ARHGAP35: variants seen among roughly 807,000 people sequenced by gnomAD.
ARHGAP35 encodes the protein Rho GTPase activating protein 35, also known as rho GTPase-activating protein 35.
ARHGAP35 carries 15 observed loss-of-function variants against 111.1 expected under a neutral mutation model. The ratio of observed to expected loss-of-function variants is 0.13; its 90% CI spans 0.09 to 0.21. The LOEUF (loss-of-function observed/expected upper bound fraction) is 0.21. ARHGAP35 is among the 10% of genes least tolerant of loss of function. ARHGAP35 has a pLI of 1.00. For missense variants in ARHGAP35, 1,262 were observed against 1,873.0 expected, an observed-to-expected ratio of 0.67 and a Z score of 6.02; for synonymous variants, 643 against 710.3, an observed-to-expected ratio of 0.91 and a Z score of 1.51.
intron 3 of ARHGAP35, among the ~76,000 whole-genome samples, chr19:46,942,028 A>G (rs1361122541): frequency 2.0e-5 from 3 of 152,168 alleles, no homozygotes; most frequent in Non-Finnish European, 4.4e-5. Flanking sequence ...TTTCAGAAGA[A>G]AAATTAAACC....
At chr19:46,977,686 G>A (rs557940700) in intron 3 of ARHGAP35, among the ~76,000 whole-genome samples, 3 of 152,348 alleles carry the variant, frequency 2.0e-5, no homozygotes, top group African/African-American at 7.2e-5. Context: ...GGTGCCCAGG[G>A]CTGTCCAGGA....
intron 3 of ARHGAP35, among the ~76,000 whole-genome samples, chr19:46,964,350 C>G (rs997660319): frequency 2.0e-5 from 3 of 151,858 alleles, no homozygotes; most frequent in Non-Finnish European, 2.9e-5. Context: ...TCACTGCAGC[C>G]TTGACTGCTT....
intron 3 of ARHGAP35, among the ~76,000 whole-genome samples, chr19:46,951,343 A>G (rs2056411883): frequency 6.6e-6 from 1 of 152,210 alleles, no homozygotes; most frequent in African/African-American, 2.4e-5. Flanking sequence ...ATGCAGCTGT[A>G]CCGAAAGGAA....
chr19:46,950,742 T>C (rs1205243001), intron 3 of ARHGAP35, among the ~76,000 whole-genome samples: 1 of 152,142 alleles, frequency 6.6e-6, no homozygotes, highest in Non-Finnish European at 1.5e-5. Context: ...TCGCTGTGGC[T>C]CTCTCTGTGG....
At chr19:46,876,343 T>C (rs1456994205) in intron 1 of ARHGAP35, among the ~76,000 whole-genome samples, 1 of 151,828 alleles carries the variant, frequency 6.6e-6, no homozygotes, top group African/African-American at 2.4e-5. Flanking sequence ...CACAGGTGTA[T>C]GCATGCCACC....
chr19:46,909,775 T>C (rs941951823), intron 1 of ARHGAP35, among the ~76,000 whole-genome samples: 1 of 152,148 alleles, frequency 6.6e-6, no homozygotes, highest in African/African-American at 2.4e-5. Context: ...ATTATTTTAT[T>C]TTTATGTTTT....
chr19:46,930,576 A>T (rs981669283), intron 2 of ARHGAP35, among the ~76,000 whole-genome samples: 2 of 145,568 alleles, frequency 1.4e-5, no homozygotes, highest in Non-Finnish European at 3.0e-5. Context: ...AAACGGCTAT[A>T]CTAGATGGTA....
At chr19:46,976,140 C>T (rs923864573) in intron 3 of ARHGAP35, among the ~76,000 whole-genome samples, 6 of 151,806 alleles carry the variant, frequency 4.0e-5, no homozygotes, top group African/African-American at 1.5e-4. Context: ...CTCTCCCTCC[C>T]CCTGTAATTC....
At position 46,920,399 on chromosome 19, in the gene ARHGAP35, G is replaced by A; in HGVS notation, c.1724G>A (p.Ser575Asn). The change falls in exon 2 of 7, where the codon AGT becomes AAT. Residue 575 changes from serine (S) to asparagine (N), a missense_variant. Transcript: ENST00000672722. This position sits in a 1 kb window ranked among gnomAD's most constrained non-coding sequence, Gnocchi z 7.0. ...GACGCTAAGATTGAGCACTTGATTA[G>A]TTCTCGGTTTATCCGGCCGTCTGAC... ...CVDAKIEHLI[S>N]SRFIRPSDRN... 6.2e-7 allele frequency: 1 copy of A among 1,613,972 alleles called. No homozygotes were observed. The highest frequency in any genetic ancestry group is 8.5e-7 in the Non-Finnish European group (1 of 1,179,866).
chr19:46,893,945 C>T (rs1010751169), intron 1 of ARHGAP35, among the ~76,000 whole-genome samples: 7 of 136,134 alleles, frequency 5.1e-5, no homozygotes, highest in Non-Finnish European at 9.3e-5. Flanking sequence ...TTAAATACAA[C>T]TTTATATTGG....
rs2056083209 is a variant in ARHGAP35 at position 46,901,464 on chromosome 19, A to C, written c.-188-17024A>C. ...TTCCAGCTACTTGGAAGGCTGGAGC[A>C]GGAGAATCACTTGAACCCGGGAGGC... is the stretch of plus-strand genomic sequence containing the variant. On this transcript the variant is annotated intron_variant, in intron 1 of 6. Coordinates refer to ENST00000672722, the MANE Select transcript of ARHGAP35 (RefSeq NM_004491.5). This position sits in a 1 kb window ranked among gnomAD's most constrained non-coding sequence, Gnocchi z 4.5. Among the ~76,000 whole-genome samples, 1 of 152,212 alleles carries C rather than the reference A, an allele frequency of 6.6e-6. No individual in the cohort carries two copies. Among genetic ancestry groups the C allele is most frequent in the South Asian group, 2.1e-4 (1 of 4,828 alleles).
At chr19:46,968,876 C>T (rs779777299) in intron 3 of ARHGAP35, among the ~76,000 whole-genome samples, 2 of 152,092 alleles carry the variant, frequency 1.3e-5, no homozygotes, top group Non-Finnish European at 2.9e-5. Context: ...CATCTCAGGT[C>T]GGGAGTTCAA....
At chr19:46,998,237 C>T (rs945343583) in intron 5 of ARHGAP35, among the ~76,000 whole-genome samples, 1 of 152,194 alleles carries the variant, frequency 6.6e-6, no homozygotes, top group African/African-American at 2.4e-5. Flanking sequence ...CAAAGGAGCC[C>T]GAGCCCCCGG....
intron 1 of ARHGAP35, among the ~76,000 whole-genome samples, chr19:46,888,617 T>G (rs1190874182): frequency 6.6e-6 from 1 of 151,688 alleles, no homozygotes; most frequent in Non-Finnish European, 1.5e-5. Context: ...TAAAATCTGC[T>G]TAGTTATGTA....
At chr19:46,953,087 A>G (rs2056421452) in intron 3 of ARHGAP35, among the ~76,000 whole-genome samples, 1 of 152,220 alleles carries the variant, frequency 6.6e-6, no homozygotes, top group Non-Finnish European at 1.5e-5. Flanking sequence ...GCAAGTATAT[A>G]TTGAGCATCT....
At chr19:46,913,893 A>G (rs1386142982) in intron 1 of ARHGAP35, among the ~76,000 whole-genome samples, 1 of 152,206 alleles carries the variant, frequency 6.6e-6, no homozygotes, top group Non-Finnish European at 1.5e-5. Context: ...TTCCCATCAC[A>G]TTTAAACTCT....
intron 1 of ARHGAP35, among the ~76,000 whole-genome samples, chr19:46,891,459 G>A (rs527584530): frequency 3.4e-5 from 5 of 147,536 alleles, no homozygotes; most frequent in East Asian, 2.0e-4. Flanking sequence ...ATGGAGTCTC[G>A]CTCTGTAACC....
Position 47,001,325 on chromosome 19 carries a change from C to T in ARHGAP35, c.*637C>T. On this transcript the variant is annotated 3_prime_UTR_variant, in exon 7 of 7. Transcript: ENST00000672722. This position sits in a 1 kb window ranked among gnomAD's most constrained non-coding sequence, Gnocchi z 5.4. Reference sequence around the variant, plus strand: ...GGACTCCCCGCTTCATCCCCACCGTCCCACTCCACAGCCTTCCCGAAACAT... The same window carrying T: ...GGACTCCCCGCTTCATCCCCACCGTTCCACTCCACAGCCTTCCCGAAACAT... 7.7e-7 allele frequency: 1 copy of T among 1,290,442 alleles called. No homozygotes were observed. The highest frequency in any genetic ancestry group is 1.0e-6 in the Non-Finnish European group (1 of 989,252). The allele number at this position is 1,290,442 out of a possible 1,614,324, so 79.9% of individuals were successfully genotyped here. A position where few individuals can be genotyped will look rare whatever the true frequency, so the allele number is the denominator to read the frequency against.
chr19:46,963,611 C>A (rs541571368), intron 3 of ARHGAP35, among the ~76,000 whole-genome samples: 1 of 152,196 alleles, frequency 6.6e-6, no homozygotes, highest in Non-Finnish European at 1.5e-5. Flanking sequence ...ATCTGTTTAG[C>A]AGTCATCTGG....
Sources: gnomAD v4.1 joint callset for allele counts (sites outside exome capture counted in the v4.1 genomes callset) on GRCh38, gnomAD v4.1.1 for gene constraint, Gnocchi (gnomAD v3.1) non-coding constraint, MANE v1.5 for transcripts, NCBI Gene and HGNC (gene_info 2026-07-23, HGNC 2026-07-21) for gene names.